LRP1B: variants seen among roughly 807,000 people sequenced by gnomAD.
LRP1B encodes the protein low-density lipoprotein receptor-related protein 1B.
Under a neutral mutation model 556.6 loss-of-function variants are expected in LRP1B, and 217 were observed. That is an observed-to-expected ratio of 0.39 (90% CI 0.35 to 0.44). The LOEUF (loss-of-function observed/expected upper bound fraction) is 0.44. Ranked by LOEUF, LRP1B falls within the 20% of genes least tolerant of loss-of-function variation. LRP1B has a pLI of 1.00. For synonymous variants in LRP1B, 2,047 were observed against 1,865.8 expected (o/e 1.10, Z -2.50); for missense variants, 5,053 against 5,620.8 (o/e 0.90, Z 3.23).
At chr2:141,127,560 T>TA (rs1701247078) in intron 7 of LRP1B, among the ~76,000 whole-genome samples, 1 of 152,176 alleles carries the variant, frequency 6.6e-6, no homozygotes, top group African/African-American at 2.4e-5. Flanking sequence ...TATGCAGCCA[T>TA]AAAAAAGGAT....
At chr2:141,122,693 G>C (rs1289589983) in intron 7 of LRP1B, among the ~76,000 whole-genome samples, 1 of 152,120 alleles carries the variant, frequency 6.6e-6, no homozygotes, top group East Asian at 1.9e-4. Flanking sequence ...ACAGTGTGGC[G>C]ATTCCTCAAG....
chr2:141,571,819 A>T (rs1686541424), intron 2 of LRP1B, among the ~76,000 whole-genome samples: 1 of 152,174 alleles, frequency 6.6e-6, no homozygotes, highest in South Asian at 2.1e-4. Context: ...CCAAGCAGAA[A>T]AAAAGATATC....
rs534169472 is a variant in LRP1B at position 141,378,166 on chromosome 2, C to T, written c.343+102230G>A. The stretch of plus-strand genomic sequence containing the variant: ...GAAATAATCTGATTTCCAGAGTTAC[C>T]ATATTATAATATTCAATATATCCAC... On this transcript the variant is annotated intron_variant, in intron 3 of 90. Coordinates refer to ENST00000389484, the MANE Select transcript of LRP1B (RefSeq NM_018557.3). 2.9e-4 allele frequency among the ~76,000 whole-genome samples: 44 copies of T among 152,176 alleles called. 1 individual carries two copies. The South Asian group carries it at 8.7e-3, about 30-fold the overall frequency.
intron 2 of LRP1B, among the ~76,000 whole-genome samples, chr2:141,786,687 G>A (rs997078583): frequency 2.6e-5 from 4 of 151,910 alleles, no homozygotes; most frequent in Admixed American, 6.6e-5. Context: ...TTGAACTGGA[G>A]TAGGGAGAGC....
chr2:141,696,726 G>A (rs1335046097), intron 2 of LRP1B, among the ~76,000 whole-genome samples: 2 of 151,966 alleles, frequency 1.3e-5, no homozygotes, highest in Non-Finnish European at 2.9e-5. Flanking sequence ...TGATTAAATA[G>A]ATGGAGAGAT....
At chr2:140,871,750 T>C (rs1486084258) in intron 25 of LRP1B, among the ~76,000 whole-genome samples, 1 of 152,196 alleles carries the variant, frequency 6.6e-6, no homozygotes, top group Non-Finnish European at 1.5e-5. Flanking sequence ...GCAATGGCTG[T>C]CACCCCATGC....
At chr2:141,650,719 G>A (rs1008966224) in intron 2 of LRP1B, among the ~76,000 whole-genome samples, 78 of 152,192 alleles carry the variant, frequency 5.1e-4, no homozygotes, top group African/African-American at 1.5e-3. Flanking sequence ...GAAGCACACC[G>A]AAATGAAGAA....
At chr2:141,983,574 G>T (rs1349913738) in intron 1 of LRP1B, among the ~76,000 whole-genome samples, 1 of 152,096 alleles carries the variant, frequency 6.6e-6, no homozygotes, top group African/African-American at 2.4e-5. Context: ...TTACTACAAT[G>T]AATGGATAAA....
At chr2:141,096,690 G>GAA (rs1303050305) in intron 7 of LRP1B, among the ~76,000 whole-genome samples, 5 of 102,034 alleles carry the variant, frequency 4.9e-5, no homozygotes, top group African/African-American at 6.9e-5. Context: ...GAGAGAGAGA[G>GAA]AAAATAAATA....
intron 2 of LRP1B, among the ~76,000 whole-genome samples, chr2:141,544,360 TCTTCTTCTTCTTCTTCTTCTTCTC>T (rs1685451247): frequency 9.5e-6 from 1 of 105,014 alleles, no homozygotes; most frequent in African/African-American, 3.5e-5. Flanking sequence ...TTCTTCTTCT[TCTTCTTCTTCTTCTTCTTCTTCTC>T]CTCCTCCTCC....
chr2:140,279,190 T>C (rs1415820394), intron 84 of LRP1B, among the ~76,000 whole-genome samples: 9 of 152,120 alleles, frequency 5.9e-5, no homozygotes, highest in Admixed American at 2.6e-4. Context: ...ATCTTAATAA[T>C]AGACTTTAGC....
chr2:141,145,260 T>C (rs1701751730), intron 7 of LRP1B, among the ~76,000 whole-genome samples: 1 of 152,088 alleles, frequency 6.6e-6, no homozygotes, highest in Non-Finnish European at 1.5e-5. Flanking sequence ...TAACTGAAAA[T>C]ATATCGCTTT....
rs75655909 is a variant in LRP1B at position 140,754,831 on chromosome 2, A to T, written c.5758+14382T>A. On this transcript the variant is annotated intron_variant, in intron 35 of 90. Coordinates refer to ENST00000389484, the MANE Select transcript of LRP1B (RefSeq NM_018557.3). ...CGATAAAGATTAGAGTGAAATTTTT[A>T]AAAATACAGAGAGGAAAAACAACAG... Among the ~76,000 whole-genome samples the T allele has an allele frequency of 6.7e-3, 1,024 of 151,900 alleles. 12 individuals carry two copies. Among genetic ancestry groups the T allele is most frequent in the Middle Eastern group, 0.024 (7 of 292 alleles).
chr2:141,525,487 T>A (rs572024722), intron 2 of LRP1B, among the ~76,000 whole-genome samples: 1 of 152,170 alleles, frequency 6.6e-6, no homozygotes, highest in East Asian at 1.9e-4. Flanking sequence ...AAAGCAACTT[T>A]TGAGGGGCTT....
chr2:141,599,295 T>A (rs528500281), intron 2 of LRP1B, among the ~76,000 whole-genome samples: 78 of 152,196 alleles, frequency 5.1e-4, no homozygotes, highest in South Asian at 1.5e-3. Context: ...TTGGCTTTTT[T>A]AATTTCCCTA....
chr2:141,879,167 T>C (rs1574457194), intron 1 of LRP1B, among the ~76,000 whole-genome samples: 1 of 152,006 alleles, frequency 6.6e-6, no homozygotes, highest in East Asian at 1.9e-4. Flanking sequence ...CTTGTAAGTA[T>C]TCCTTATATT....
chr2:141,940,407 C>T (rs1009372269), intron 1 of LRP1B, among the ~76,000 whole-genome samples: 2 of 151,976 alleles, frequency 1.3e-5, no homozygotes, highest in Admixed American at 6.6e-5. Context: ...ATCTACTAAG[C>T]GGGGGAAGAA....
intron 31 of LRP1B, among the ~76,000 whole-genome samples, chr2:140,815,446 A>G (rs1036075652): frequency 6.6e-6 from 1 of 152,110 alleles, no homozygotes; most frequent in African/African-American, 2.4e-5. Flanking sequence ...TGCTGGAATT[A>G]TAGGTGTGAG....
intron 1 of LRP1B, among the ~76,000 whole-genome samples, chr2:141,880,133 T>C (rs1318514156): frequency 6.6e-6 from 1 of 152,018 alleles, no homozygotes; most frequent in Non-Finnish European, 1.5e-5. Flanking sequence ...ATTCTCTCTC[T>C]GACACAATGA....
Sources: gnomAD v4.1 joint callset for allele counts (sites outside exome capture counted in the v4.1 genomes callset) on GRCh38, gnomAD v4.1.1 for gene constraint, MANE v1.5 for transcripts, NCBI Gene and HGNC (gene_info 2026-07-23, HGNC 2026-07-21) for gene names.